Variants in PLEKHM3 observed in about 807,000 individuals in gnomAD.
The protein encoded by PLEKHM3 is pleckstrin homology domain-containing family M member 3.
A neutral mutation model predicts 81.8 loss-of-function variants in PLEKHM3; 45 were observed. The observed-to-expected ratio is 0.55, with a 90% CI of 0.43 to 0.71. The LOEUF (loss-of-function observed/expected upper bound fraction) is 0.71, where lower values mean the gene tolerates loss of function less well. Ranked by LOEUF, PLEKHM3 falls within the 30% of genes least tolerant of loss-of-function variation. The probability of loss-of-function intolerance (pLI) is 0.00; values close to 1 mark genes in which losing one functional copy is unlikely to be tolerated. For synonymous variants in PLEKHM3, 352 were observed against 356.4 expected (o/e 0.99, Z 0.14); for missense variants, 788 against 924.3 (o/e 0.85, Z 1.91).
At position 207,824,316 on chromosome 2, in the gene PLEKHM3, TAGG is replaced by T. The variant is rs2092236272; in HGVS notation, c.*4000_*4002del. On this transcript the variant is annotated 3_prime_UTR_variant, in exon 8 of 8. Coordinates refer to ENST00000427836, the MANE Select transcript of PLEKHM3 (RefSeq NM_001080475.3). ...AAAAATTATACACATCTCTATTTAC[TAGG>T]AGAAGTAAAAAAATAAAACAACCCC... 1 of 152,182 alleles carries T rather than the reference TAGG, an allele frequency of 6.6e-6. No individual in the cohort carries two copies. The highest frequency in any genetic ancestry group is 1.5e-5 in the Non-Finnish European group (1 of 68,032). 9.4% of individuals were successfully genotyped at this position (152,182 alleles called of 1,614,324 possible). A position where few individuals can be genotyped will look rare whatever the true frequency, so the allele number is the denominator to read the frequency against.
intron 7 of PLEKHM3, among the ~76,000 whole-genome samples, chr2:207,830,955 A>G (rs978009978): frequency 1.3e-5 from 2 of 152,162 alleles, no homozygotes; most frequent in African/African-American, 4.8e-5. Flanking sequence ...TAATGACCTT[A>G]CGCAAGTCAC....
At chr2:207,991,904 A>G (rs965794791) in intron 2 of PLEKHM3, among the ~76,000 whole-genome samples, 8 of 152,214 alleles carry the variant, frequency 5.3e-5, no homozygotes, top group Non-Finnish European at 7.3e-5. Flanking sequence ...AGTGCTCAAT[A>G]GTTATCTGTC....
At chr2:207,986,668 A>T (rs1218692938) in intron 2 of PLEKHM3, among the ~76,000 whole-genome samples, 1 of 118,106 alleles carries the variant, frequency 8.5e-6, no homozygotes, top group Non-Finnish European at 1.9e-5. Context: ...ATCATTACAA[A>T]TTTTTTTGTT....
intron 5 of PLEKHM3, among the ~76,000 whole-genome samples, chr2:207,928,452 TATAAG>T (rs1689479379): frequency 6.6e-6 from 1 of 152,270 alleles, no homozygotes; most frequent in African/African-American, 2.4e-5. Flanking sequence ...TAAAGCCAGA[TATAAG>T]AACAGTCTAG....
chr2:207,941,634 G>A (rs1416979975), intron 4 of PLEKHM3, among the ~76,000 whole-genome samples: 1 of 152,110 alleles, frequency 6.6e-6, no homozygotes, highest in Non-Finnish European at 1.5e-5. Context: ...ATTACATCAA[G>A]CTAGAAAGCT....
chr2:207,888,338 A>G (rs1687946899), intron 6 of PLEKHM3, among the ~76,000 whole-genome samples: 2 of 132,704 alleles, frequency 1.5e-5, no homozygotes, highest in Admixed American at 8.2e-5. Context: ...TGTCTGCCTT[A>G]TCCTGCTTTT....
At position 207,827,105 on chromosome 2, in the gene PLEKHM3, TA is replaced by T. The variant is rs1443288172; in HGVS notation, c.*1213del. The stretch of plus-strand genomic sequence containing the variant: ...ATATGTGTGTGTATATATATATATT[TA>T]TTTAAATAATATTAGATCTAATTCA... On this transcript the variant is annotated 3_prime_UTR_variant, in exon 8 of 8. Coordinates refer to ENST00000427836, the MANE Select transcript of PLEKHM3 (RefSeq NM_001080475.3). 6.6e-6 allele frequency: 1 copy of T among 151,818 alleles called. No individual in the cohort carries two copies. The highest frequency in any genetic ancestry group is 2.4e-5 in the African/African-American group (1 of 41,410). 9.4% of individuals were successfully genotyped at this position (151,818 alleles called of 1,614,324 possible).
chr2:207,918,466 G>C (rs1453717728), intron 5 of PLEKHM3, among the ~76,000 whole-genome samples: 1 of 152,174 alleles, frequency 6.6e-6, no homozygotes, highest in Non-Finnish European at 1.5e-5. Flanking sequence ...AGCTTGCAGT[G>C]AGCCGAGATT....
intron 5 of PLEKHM3, among the ~76,000 whole-genome samples, chr2:207,919,216 C>T (rs1053002919): frequency 1.3e-5 from 2 of 152,060 alleles, no homozygotes; most frequent in Non-Finnish European, 2.9e-5. Context: ...AGTATAGAAA[C>T]TAAGGTAGCA....
At chr2:207,911,719 T>C (rs1466743038) in intron 5 of PLEKHM3, among the ~76,000 whole-genome samples, 2 of 152,180 alleles carry the variant, frequency 1.3e-5, no homozygotes, top group African/African-American at 2.4e-5. Flanking sequence ...ATGAAAGCAA[T>C]GTGGCAGCAG....
At chr2:207,890,634 T>TA (rs1443005957) in intron 6 of PLEKHM3, among the ~76,000 whole-genome samples, 16 of 151,714 alleles carry the variant, frequency 1.1e-4, no homozygotes, top group African/African-American at 3.9e-4. Flanking sequence ...TCTCAAAATA[T>TA]AAAAAAACAA....
At chr2:207,904,980 A>C (rs1455522070) in intron 6 of PLEKHM3, among the ~76,000 whole-genome samples, 1 of 152,160 alleles carries the variant, frequency 6.6e-6, no homozygotes, top group Non-Finnish European at 1.5e-5. Context: ...CTAAATTATA[A>C]ATCTCCTTTC....
At chr2:207,982,431 G>C (rs986123000) in intron 2 of PLEKHM3, among the ~76,000 whole-genome samples, 15 of 151,922 alleles carry the variant, frequency 9.9e-5, no homozygotes, top group Non-Finnish European at 1.9e-4. Flanking sequence ...TACCACACCT[G>C]GTTCATTTTT....
At chr2:207,857,769 A>G (rs1351774437) in intron 7 of PLEKHM3, among the ~76,000 whole-genome samples, 1 of 151,780 alleles carries the variant, frequency 6.6e-6, no homozygotes, top group African/African-American at 2.4e-5. Flanking sequence ...AAGGTTGTTA[A>G]CTTTGTTGAT....
At chr2:207,996,100 G>T (rs1220969013) in intron 2 of PLEKHM3, among the ~76,000 whole-genome samples, 2 of 152,182 alleles carry the variant, frequency 1.3e-5, no homozygotes, top group African/African-American at 4.8e-5. Flanking sequence ...GTCTGAAATG[G>T]TATCTAAATA....
intron 5 of PLEKHM3, among the ~76,000 whole-genome samples, chr2:207,918,794 T>C (rs1056029710): frequency 1.3e-5 from 2 of 152,232 alleles, no homozygotes; most frequent in Middle Eastern, 3.2e-3. Context: ...TGTATAGCTC[T>C]AAGCAGTGAA....
intron 2 of PLEKHM3, among the ~76,000 whole-genome samples, chr2:207,999,334 G>A (rs1052439623): frequency 3.6e-4 from 54 of 150,584 alleles, no homozygotes; most frequent in African/African-American, 1.3e-3. Flanking sequence ...CCTTTTCTTA[G>A]CCAGGCATGG....
intron 2 of PLEKHM3, among the ~76,000 whole-genome samples, chr2:207,978,775 G>T (rs905038544): frequency 2.7e-5 from 4 of 147,186 alleles, no homozygotes; most frequent in African/African-American, 1.0e-4. Context: ...CCCCAACCTC[G>T]CCTACACACA....
rs921883974 is a variant in PLEKHM3 at position 207,845,150 on chromosome 2, G to T, written c.2108+15955C>A. Among the ~76,000 whole-genome samples, 3 of 152,166 alleles carry T rather than the reference G, an allele frequency of 2.0e-5. No individual in the cohort carries two copies. The East Asian group carries it at 5.8e-4, about 29-fold the overall frequency. ...ATATTCAGAATTCTGCAGGGGCTTA[G>T]TAAAAGTGTGATAATATACATTAGA... On this transcript the variant is annotated intron_variant, in intron 7 of 7. Transcript: ENST00000427836.
Sources: allele counts gnomAD v4.1 joint callset (sites outside exome capture counted in the v4.1 genomes callset), GRCh38; gene constraint gnomAD v4.1.1; transcripts MANE v1.5; gene names NCBI Gene and HGNC (gene_info 2026-07-23, HGNC 2026-07-21).